Variants in GULP1 observed in about 807,000 individuals in gnomAD.
The protein encoded by GULP1 is PTB domain-containing engulfment adapter protein 1.
A neutral mutation model predicts 40.9 loss-of-function variants in GULP1; 19 were observed. The observed-to-expected ratio is 0.46, with a 90% CI of 0.32 to 0.68. GULP1 has a LOEUF of 0.68. GULP1 is among the 30% of genes least tolerant of loss of function. The probability of loss-of-function intolerance (pLI) is 0.03; values close to 1 mark genes in which losing one functional copy is unlikely to be tolerated. For missense variants in GULP1, 312 were observed against 362.2 expected (o/e 0.86, Z 1.12); for synonymous variants, 119 against 117.6 (o/e 1.01, Z -0.08).
At chr2:188,568,276 GTCT>G (rs1287180467) in intron 7 of GULP1, among the ~76,000 whole-genome samples, 9 of 152,228 alleles carry the variant, frequency 5.9e-5, no homozygotes, top group East Asian at 1.9e-4. Flanking sequence ...ATTACTACTA[GTCT>G]TCTTGTTATC....
intron 11 of GULP1, chr2:188,589,978 T>C (rs1703193716): frequency 3.7e-6 from 1 of 270,588 alleles, no homozygotes; most frequent in East Asian, 6.2e-5. Flanking sequence ...TCTTTTCTTT[T>C]TTTTTTTGAG....
At chr2:188,508,944 A>T (rs547919493) in intron 4 of GULP1, among the ~76,000 whole-genome samples, 1 of 152,112 alleles carries the variant, frequency 6.6e-6, no homozygotes, top group African/African-American at 2.4e-5. Flanking sequence ...CATTTTATAA[A>T]CTAATAAGCT....
intron 4 of GULP1, among the ~76,000 whole-genome samples, chr2:188,511,914 C>T (rs1311631659): frequency 6.6e-6 from 1 of 151,690 alleles, no homozygotes; most frequent in East Asian, 1.9e-4. Context: ...AAAGTATAAC[C>T]TTTTGTTGGT....
chr2:188,515,802 C>T lies in GULP1; in HGVS notation c.91-6954C>T, dbSNP rs1248776160. Among the ~76,000 whole-genome samples, 6 of 151,900 alleles carry T rather than the reference C, an allele frequency of 3.9e-5. No homozygotes were observed. The East Asian group carries it at 1.2e-3, about 29-fold the overall frequency. On this transcript the variant is annotated intron_variant, in intron 4 of 11. Transcript: ENST00000409830. ...ATCGCTACCCAGCACTTAGTAAATG[C>T]TAGACTGATAGTAAATACTCAAAAA...
chr2:188,583,419 C>T (rs768591417), intron 9 of GULP1, among the ~76,000 whole-genome samples: 20 of 152,110 alleles, frequency 1.3e-4, no homozygotes, highest in Non-Finnish European at 2.5e-4. Flanking sequence ...CGCCACTATT[C>T]CCCCAAAATG....
At chr2:188,379,969 T>C (rs1335472215) in intron 1 of GULP1, among the ~76,000 whole-genome samples, 2 of 152,178 alleles carry the variant, frequency 1.3e-5, no homozygotes, top group East Asian at 3.9e-4. Context: ...TAGCCTTGCC[T>C]TGAACATAGT....
At chr2:188,453,970 C>G (rs1332231804) in intron 2 of GULP1, among the ~76,000 whole-genome samples, 2 of 152,230 alleles carry the variant, frequency 1.3e-5, no homozygotes, top group East Asian at 3.9e-4. Flanking sequence ...GTCACTCCAT[C>G]TGGTAATGAT....
chr2:188,510,963 C>T (rs1167882542), intron 4 of GULP1, among the ~76,000 whole-genome samples: 1 of 151,974 alleles, frequency 6.6e-6, no homozygotes, highest in Non-Finnish European at 1.5e-5. Flanking sequence ...TTTTTATTTG[C>T]TTGATGTGGC....
At chr2:188,362,736 G>A (rs550521470) in intron 1 of GULP1, among the ~76,000 whole-genome samples, 4 of 152,154 alleles carry the variant, frequency 2.6e-5, no homozygotes, top group African/African-American at 9.6e-5. Context: ...GACATTATGG[G>A]TGTAGATCCT....
At chr2:188,445,492 AT>A in intron 2 of GULP1, among the ~76,000 whole-genome samples, 1 of 152,274 alleles carries the variant, frequency 6.6e-6, no homozygotes, top group South Asian at 2.1e-4. Context: ...AAAAATAAAT[AT>A]TTTTGAAATA....
chr2:188,337,122 ATATCTATATCTATATC>A (rs2042373344), intron 1 of GULP1, among the ~76,000 whole-genome samples: 1 of 151,088 alleles, frequency 6.6e-6, no homozygotes, highest in African/African-American at 2.4e-5. Flanking sequence ...ATCTATATCT[ATATCTATATCTATATC>A]TATCTATATA....
chr2:188,312,196 C>CT (rs1559098301), intron 1 of GULP1, among the ~76,000 whole-genome samples: 1 of 151,124 alleles, frequency 6.6e-6, no homozygotes, highest in African/African-American at 2.4e-5. Context: ...TTAATTTCTC[C>CT]TAAAAAAAAA....
chr2:188,446,307 T>A (rs1169844138), intron 2 of GULP1, among the ~76,000 whole-genome samples: 1 of 152,182 alleles, frequency 6.6e-6, no homozygotes, highest in Non-Finnish European at 1.5e-5. Flanking sequence ...GTGTCCTGGA[T>A]AATAGCTATT....
chr2:188,426,531 A>G (rs2056223471), intron 2 of GULP1, among the ~76,000 whole-genome samples: 1 of 152,172 alleles, frequency 6.6e-6, no homozygotes, highest in South Asian at 2.1e-4. Flanking sequence ...AATGTGTCAA[A>G]TAAATATATT....
Position 188,584,367 on chromosome 2 carries a change from C to G in GULP1, c.712C>G (p.Gln238Glu). 1 of 1,605,982 alleles carries G rather than the reference C, an allele frequency of 6.2e-7. No individual in the cohort carries two copies. The highest frequency in any genetic ancestry group is 8.5e-7 in the Non-Finnish European group (1 of 1,172,876). ...QSSMPTRNGT[Q>E]PPPVPSRSTE... ...TTCGATGCCTACTCGCAATGGCACA[C>G]AGCCACCTCCAGTACCTAGTAGATC... Residue 238 changes from glutamine (Q) to glutamate (E), a missense_variant, in exon 10 of 12, where the codon CAG (glutamine) becomes GAG (glutamate). Transcript: ENST00000409830.
intron 1 of GULP1, among the ~76,000 whole-genome samples, chr2:188,375,820 T>G (rs1486121407): frequency 2.0e-5 from 3 of 152,138 alleles, no homozygotes; most frequent in Non-Finnish European, 2.9e-5. Context: ...AAAATTCTGT[T>G]TCTATTGATC....
At chr2:188,538,833 AAATC>A (rs1455945539) in intron 6 of GULP1, among the ~76,000 whole-genome samples, 2 of 152,102 alleles carry the variant, frequency 1.3e-5, no homozygotes, top group Admixed American at 6.6e-5. Context: ...ACACACAAAA[AAATC>A]AATCATTTCA....
At chr2:188,369,684 T>G (rs969829855) in intron 1 of GULP1, among the ~76,000 whole-genome samples, 110 of 152,194 alleles carry the variant, frequency 7.2e-4, no homozygotes, top group Non-Finnish European at 1.2e-3. Flanking sequence ...TTCTTATCAC[T>G]TATACTTATT....
At chr2:188,348,929 T>A (rs560835904) in intron 1 of GULP1, among the ~76,000 whole-genome samples, 2 of 152,298 alleles carry the variant, frequency 1.3e-5, no homozygotes, top group East Asian at 3.9e-4. Flanking sequence ...AAGTAATACC[T>A]TTTTCTCAAT....
Sources: gnomAD v4.1 joint callset for allele counts (sites outside exome capture counted in the v4.1 genomes callset) on GRCh38, gnomAD v4.1.1 for gene constraint, MANE v1.5 for transcripts, NCBI Gene and HGNC (gene_info 2026-07-23, HGNC 2026-07-21) for gene names.